CNFN: variants seen among roughly 807,000 people sequenced by gnomAD.
CNFN encodes the protein cornifelin, also known as cornefied envelope protein cornefilin.
In CNFN, 10 loss-of-function variants were observed where a neutral mutation model predicts 14.9. The ratio of observed to expected loss-of-function variants is 0.67; its 90% CI spans 0.41 to 1.14. CNFN has a LOEUF of 1.14. Ranked by LOEUF, CNFN falls within the 50% of genes most tolerant of loss-of-function variation. The pLI, the probability that CNFN is intolerant of heterozygous loss-of-function variation, is 0.00. For missense variants in CNFN, 165 were observed against 152.8 expected (o/e 1.08, Z -0.42); for synonymous variants, 66 against 60.0 (o/e 1.10, Z -0.46).
rs952532354 is a variant in CNFN, at chr19:42,389,385, G to A, written c.-2-346C>T. On this transcript the variant is annotated intron_variant, in intron 1 of 3. Transcript: ENST00000222032. The stretch of plus-strand genomic sequence containing the variant: ...GGTTGCAGCATTTCTGGGGCCTCTG[G>A]GGTGGAAGCAGGCGCCGTCTGTCTT... 8.0e-6 allele frequency: 8 copies of A among 1,006,190 alleles called. No homozygotes were observed. The African/African-American group carries it at 9.9e-5, about 12-fold the overall frequency. The allele number at this position is 1,006,190 out of a possible 1,614,324, so 62.3% of individuals were successfully genotyped here. A position where few individuals can be genotyped will look rare whatever the true frequency, so the allele number is the denominator to read the frequency against.
At chr19:42,387,791 C>T (rs1293886034) in intron 2 of CNFN, among the ~76,000 whole-genome samples, 1 of 149,628 alleles carries the variant, frequency 6.7e-6, no homozygotes, top group East Asian at 2.0e-4. Context: ...ACCAGCCTAC[C>T]CAACATAGTG....
chr19:42,388,387 G>A (rs2039872241), intron 2 of CNFN, among the ~76,000 whole-genome samples: 1 of 152,006 alleles, frequency 6.6e-6, no homozygotes, highest in Admixed American at 6.6e-5. Context: ...TAGAGACGGG[G>A]TTTCACCATC....
chr19:42,388,547 G>C (rs2039873617), intron 2 of CNFN, among the ~76,000 whole-genome samples: 1 of 152,114 alleles, frequency 6.6e-6, no homozygotes, highest in Non-Finnish European at 1.5e-5. Context: ...TGCCCAGGCT[G>C]ATCTTGAATT....
chr19:42,389,247 G>C (rs577170695), intron 1 of CNFN, among the ~76,000 whole-genome samples: 4 of 152,378 alleles, frequency 2.6e-5, no homozygotes, highest in South Asian at 4.1e-4. Context: ...GCTCCTGCAC[G>C]TCTGGTTAGG....
At chr19:42,388,448 C>A (rs2039872649) in intron 2 of CNFN, among the ~76,000 whole-genome samples, 1 of 152,136 alleles carries the variant, frequency 6.6e-6, no homozygotes. Flanking sequence ...CTGCCATGGC[C>A]TCCCAAAGTC....
rs2039855063 is a variant in CNFN, at chr19:42,387,076, G to A, written c.*77C>T. On this transcript the variant is annotated 3_prime_UTR_variant, in exon 4 of 4. Coordinates refer to ENST00000222032, the MANE Select transcript of CNFN (RefSeq NM_032488.4). ...CTGGCAGCGGGACAGGGGTGGTGAG[G>A]CAGTCCCTCCCAGGAGTGGCCAGAG... 1 of 1,416,166 alleles carries A rather than the reference G, an allele frequency of 7.1e-7. No homozygotes were observed. The highest frequency in any genetic ancestry group is 1.4e-5 in the African/African-American group (1 of 71,170). 87.7% of individuals were successfully genotyped at this position (1,416,166 alleles called of 1,614,324 possible).
rs778624700 is a variant in CNFN at position 42,387,394 on chromosome 19, C to A, written c.195G>T (p.Leu65=). 1 of 1,601,758 alleles carries A rather than the reference C, an allele frequency of 6.2e-7. No individual in the cohort carries two copies. The highest frequency in any genetic ancestry group is 8.5e-7 in the Non-Finnish European group (1 of 1,175,590). The part of the protein sequence containing the change: ...DFGECCCAPY[L]PGGLHSIRTG... ...TGCGGATGGAGTGCAGGCCTCCGGG[C>A]AGGTAGGGCGCGCAGCAGCACTCGC... is the stretch of plus-strand genomic sequence containing the variant. Residue 65 remains leucine (L), a synonymous_variant, in exon 3 of 4, where the codon CTG becomes CTT. Transcript: ENST00000222032.
Position 42,388,917 on chromosome 19 carries a change from G to A in CNFN, c.112+9C>T. 1 of 1,600,526 alleles carries A rather than the reference G, an allele frequency of 6.2e-7. No homozygotes were observed. The highest frequency in any genetic ancestry group is 8.6e-7 in the Non-Finnish European group (1 of 1,169,202). ...ACCAGGCCTGGAGAGGGAGCAGGCAGGCACTCACAGACAGGCATGTCGTTG... is the reference window on the plus strand; with the variant it reads ...ACCAGGCCTGGAGAGGGAGCAGGCAAGCACTCACAGACAGGCATGTCGTTG... On this transcript the variant is annotated intron_variant, in intron 2 of 3. Coordinates refer to ENST00000222032, the MANE Select transcript of CNFN (RefSeq NM_032488.4).
intron 1 of CNFN, 113 bp from the exon 2 acceptor site, chr19:42,389,152 C>T: frequency 1.3e-6 from 1 of 746,372 alleles, no homozygotes; most frequent in Non-Finnish European, 2.2e-6. Flanking sequence ...GCCAGGCCGC[C>T]CACTGAAGGG....
intron 2 of CNFN, among the ~76,000 whole-genome samples, chr19:42,387,994 AC>A (rs1372033541): frequency 0.02 from 2,862 of 143,696 alleles, 153 homozygotes; most frequent in African/African-American, 0.07. Flanking sequence ...AAAACAAAAA[AC>A]AAAACAAAAA....
At chr19:42,389,549 G>A (rs573924396) in intron 1 of CNFN, 60 of 1,289,672 alleles carry the variant, frequency 4.7e-5, no homozygotes, top group Non-Finnish European at 5.2e-5. Flanking sequence ...AGGAGGTGGC[G>A]TTGGGGACGG....
chr19:42,387,328 C>T lies in CNFN; in HGVS notation c.249+12G>A, dbSNP rs2039858217. ...GCTCCCTGCTCCCGCGGGTCCCCAG[C>T]CCGGCGCGCACCTGGATGTGGTAGC... On this transcript the variant is annotated intron_variant, in intron 3 of 3. Coordinates refer to ENST00000222032, the MANE Select transcript of CNFN (RefSeq NM_032488.4). 6 of 1,596,812 alleles carry T rather than the reference C, an allele frequency of 3.8e-6. No homozygotes were observed. The highest frequency in any genetic ancestry group is 1.3e-5 in the African/African-American group (1 of 74,684).
intron 1 of CNFN, 103 bp from the exon 2 acceptor site, chr19:42,389,142 G>T (rs2039879161): frequency 2.4e-6 from 2 of 825,930 alleles, no homozygotes; most frequent in South Asian, 3.3e-5. Flanking sequence ...GGGCGGGGCC[G>T]CCAGGCCGCC....
At position 42,387,093 on chromosome 19, in the gene CNFN, T is replaced by A. The variant is rs2039855196; in HGVS notation, c.*60A>T. The A allele has an allele frequency of 1.3e-5, 20 of 1,548,198 alleles. No individual in the cohort carries two copies. The highest frequency in any genetic ancestry group is 1.7e-4 in the Middle Eastern group (1 of 5,956). On this transcript the variant is annotated 3_prime_UTR_variant, in exon 4 of 4. Coordinates refer to ENST00000222032, the MANE Select transcript of CNFN (RefSeq NM_032488.4). ...GTGGTGAGGCAGTCCCTCCCAGGAG[T>A]GGCCAGAGAAGGCCAGAGGCGAGAC...
chr19:42,388,311 G>GCCTC (rs1470317973), intron 2 of CNFN, among the ~76,000 whole-genome samples: 1 of 151,554 alleles, frequency 6.6e-6, no homozygotes, highest in African/African-American at 2.4e-5. Flanking sequence ...CTCTTTCTCA[G>GCCTC]CCTCCCGAGT....
intron 2 of CNFN, among the ~76,000 whole-genome samples, chr19:42,387,763 C>T (rs1382902786): frequency 2.0e-5 from 3 of 147,510 alleles, no homozygotes; most frequent in Middle Eastern, 3.6e-3. Flanking sequence ...GGGAGGATCA[C>T]GAGGTCAGGG....
At chr19:42,387,584 G>T (rs2039863187) in intron 2 of CNFN, 108 bp from the exon 3 acceptor site, 5 of 742,558 alleles carry the variant, frequency 6.7e-6, no homozygotes, top group Non-Finnish European at 8.5e-6. Flanking sequence ...GAGGGTCCCA[G>T]CCAAGGAGAG....
rs1600090203 is a variant in CNFN, at chr19:42,388,779, G to A, written c.112+147C>T. ...TTGGGGGTCTGAGGAAAGGGTGACT[G>A]TTAGAGTGGGAATTCCAAGTCCAGG... is the stretch of plus-strand genomic sequence containing the variant. On this transcript the variant is annotated intron_variant, in intron 2 of 3. Coordinates refer to ENST00000222032, the MANE Select transcript of CNFN (RefSeq NM_032488.4). 1.6e-5 allele frequency: 10 copies of A among 616,740 alleles called. No homozygotes were observed. The East Asian group carries it at 2.5e-4, about 16-fold the overall frequency. The allele number at this position is 616,740 out of a possible 1,614,324, so 38.2% of individuals were successfully genotyped here. A position where few individuals can be genotyped will look rare whatever the true frequency, so the allele number is the denominator to read the frequency against.
At chr19:42,389,652 G>GC in intron 1 of CNFN, 1 of 390,640 alleles carries the variant, frequency 2.6e-6, no homozygotes, top group Non-Finnish European at 4.2e-6. Context: ...TGGGGGCTGG[G>GC]CTCTCAGGGG....
Sources: gnomAD v4.1 joint callset for allele counts (sites outside exome capture counted in the v4.1 genomes callset) on GRCh38, gnomAD v4.1.1 for gene constraint, MANE v1.5 for transcripts, NCBI Gene and HGNC (gene_info 2026-07-23, HGNC 2026-07-21) for gene names.